Variants in WSCD1 observed in about 807,000 individuals in gnomAD.
WSCD1 encodes the protein WSC domain sialate O sulfotransferase 1.
In WSCD1, 41 loss-of-function variants were observed where a neutral mutation model predicts 60.4. The observed-to-expected ratio is 0.68, with a 90% CI of 0.53 to 0.88. The LOEUF (loss-of-function observed/expected upper bound fraction) is 0.88. WSCD1 is among the 40% of genes least tolerant of loss of function. WSCD1 has a pLI of 0.00. For synonymous variants in WSCD1, 361 were observed against 332.5 expected, an observed-to-expected ratio of 1.09 and a Z score of -0.93; for missense variants, 784 against 796.2, an observed-to-expected ratio of 0.98 and a Z score of 0.18.
chr17:6,076,985 AG>A (rs966541189), intron 1 of WSCD1, among the ~76,000 whole-genome samples: 3 of 150,256 alleles, frequency 2.0e-5, no homozygotes, highest in African/African-American at 7.4e-5. Flanking sequence ...TGTGCCCTGG[AG>A]GGGGGCTGCC....
At chr17:6,074,303 C>T (rs575996420) in intron 1 of WSCD1, among the ~76,000 whole-genome samples, 1 of 152,300 alleles carries the variant, frequency 6.6e-6, no homozygotes, top group East Asian at 1.9e-4. Flanking sequence ...CCCAAAGGGC[C>T]CAACAGATTT....
At chr17:6,102,670 G>A (rs528267934) in intron 5 of WSCD1, among the ~76,000 whole-genome samples, 99 of 152,214 alleles carry the variant, frequency 6.5e-4, no homozygotes, top group South Asian at 1.0e-3. Flanking sequence ...GTATCTCTAC[G>A]TAATTTGTTT....
Position 6,109,784 on chromosome 17 carries a change from G to A in WSCD1, c.1009+18G>A, listed in dbSNP as rs375239356. 120 of 1,604,056 alleles carry A rather than the reference G, an allele frequency of 7.5e-5. No individual in the cohort carries two copies. Among genetic ancestry groups the A allele is most frequent in the African/African-American group, 7.3e-4 (55 of 74,888 alleles). ...TGTGCAAGGTGGGTTCTGCATCCCC[G>A]ACTGGTAGTGGCATTTGGTCTGGGG... is the stretch of plus-strand genomic sequence containing the variant. On this transcript the variant is annotated intron_variant, in intron 6 of 8. Transcript: ENST00000317744.
At chr17:6,113,202 C>G (rs1911502103) in intron 7 of WSCD1, among the ~76,000 whole-genome samples, 1 of 152,182 alleles carries the variant, frequency 6.6e-6, no homozygotes, top group East Asian at 1.9e-4. Context: ...TGGGAAAGGA[C>G]AGTCTTTTCA....
rs1904735287 is a variant in WSCD1 at position 6,121,868 on chromosome 17, G to A, written c.*1207G>A. Reference sequence around the variant, plus strand: ...AGGCTGTGGAGGCCAGGAGGTTCAAGTATGGAGGGTAGGAGTGCAACCCAG... The same window carrying A: ...AGGCTGTGGAGGCCAGGAGGTTCAAATATGGAGGGTAGGAGTGCAACCCAG... On this transcript the variant is annotated 3_prime_UTR_variant, in exon 9 of 9. Transcript: ENST00000317744. The A allele has an allele frequency of 1.3e-5, 2 of 152,396 alleles. No individual in the cohort carries two copies. Among genetic ancestry groups the A allele is most frequent in the African/African-American group, 4.8e-5 (2 of 41,464 alleles). 9.4% of individuals were successfully genotyped at this position (152,396 alleles called of 1,614,324 possible).
Position 6,106,090 on chromosome 17 carries a change from C to CAAGG in WSCD1, c.850-3516_850-3513dup, listed in dbSNP as rs1911072109. Among the ~76,000 whole-genome samples the CAAGG allele has an allele frequency of 2.0e-5, 3 of 152,312 alleles. No individual in the cohort carries two copies. The South Asian group carries it at 6.2e-4, about 32-fold the overall frequency. On this transcript the variant is annotated intron_variant, in intron 5 of 8. Transcript: ENST00000317744. The stretch of plus-strand genomic sequence containing the variant: ...ACATTTATTGAGCATCTGCCATGTG[C>CAAGG]AAGGCACTTTTCTAGATTCTGAGAA...
chr17:6,080,911 G>A lies in WSCD1; in HGVS notation c.253G>A (p.Val85Met), dbSNP rs769416981. The A allele has an allele frequency of 1.9e-6, 3 of 1,596,330 alleles. No individual in the cohort carries two copies. Among genetic ancestry groups the A allele is most frequent in the Non-Finnish European group, 1.7e-6 (2 of 1,175,754 alleles). Residue 85 changes from valine (V) to methionine (M), a missense_variant, in exon 2 of 9, where the codon GTG becomes ATG. Transcript: ENST00000317744. This position sits in a 1 kb window ranked among gnomAD's most constrained non-coding sequence, Gnocchi z 6.6. ...PRVSPELLLG[V>M]DMLQSPLTRP... ...AGTCAGCCCAGAGCTGCTGCTGGGT[G>A]TGGACATGCTGCAGAGCCCCCTGAC...
intron 5 of WSCD1, among the ~76,000 whole-genome samples, chr17:6,099,017 A>G (rs1910627058): frequency 6.6e-6 from 1 of 152,156 alleles, no homozygotes; most frequent in Non-Finnish European, 1.5e-5. Flanking sequence ...ACTGCTGAGC[A>G]GGAACCAGGT....
At position 6,109,651 on chromosome 17, in the gene WSCD1, T is replaced by G. The variant is rs1329025287; in HGVS notation, c.894T>G (p.Ala298=). The change falls in exon 6 of 9, where the codon GCT becomes GCG. Residue 298 remains alanine, a synonymous_variant. Coordinates refer to ENST00000317744, the MANE Select transcript of WSCD1 (RefSeq NM_015253.2). ...TCAGGGGCTGGGAATGCTACTGTGC[T>G]TACCCTACCCCCCGGTTCAACCTGC... The part of the protein sequence containing the change: ...AILRGWECYC[A]YPTPRFNLRD... 1 of 1,614,186 alleles carries G rather than the reference T, an allele frequency of 6.2e-7. No homozygotes were observed. The highest frequency in any genetic ancestry group is 8.5e-7 in the Non-Finnish European group (1 of 1,180,026).
At position 6,112,604 on chromosome 17, in the gene WSCD1, A is replaced by C. The variant is rs60092659; in HGVS notation, c.1174+1669A>C. Among the ~76,000 whole-genome samples the C allele has an allele frequency of 5.2e-3, 788 of 152,336 alleles. 8 individuals carry two copies. Among genetic ancestry groups the C allele is most frequent in the African/African-American group, 0.019 (770 of 41,568 alleles). ...TAGAACCAATAAATGAATTCAGTAA[A>C]GTTACAGGATACAAAATAAACATGC... On this transcript the variant is annotated intron_variant, in intron 7 of 8. Coordinates refer to ENST00000317744, the MANE Select transcript of WSCD1 (RefSeq NM_015253.2).
chr17:6,086,253 AT>A (rs1323700972), intron 2 of WSCD1, among the ~76,000 whole-genome samples: 3 of 109,252 alleles, frequency 2.7e-5, no homozygotes, highest in East Asian at 2.1e-4. Flanking sequence ...CTGACTTCAT[AT>A]ATATATATAT....
rs1904653822 is a variant in WSCD1, at chr17:6,120,928, C to T, written c.*267C>T. ...CCAGGCTCATAGCCCCGTCTTGATG[C>T]AGAGAAGCCACCCACGTGGGGTGTG... is the stretch of plus-strand genomic sequence containing the variant. On this transcript the variant is annotated 3_prime_UTR_variant, in exon 9 of 9. Coordinates refer to ENST00000317744, the MANE Select transcript of WSCD1 (RefSeq NM_015253.2). 2 of 504,082 alleles carry T rather than the reference C, an allele frequency of 4.0e-6. No individual in the cohort carries two copies. The highest frequency in any genetic ancestry group is 2.7e-5 in the South Asian group (1 of 37,280). The allele number at this position is 504,082 out of a possible 1,614,324, so 31.2% of individuals were successfully genotyped here.
Position 6,101,397 on chromosome 17 carries a change from T to C in WSCD1, c.849+6174T>C, listed in dbSNP as rs1910791958. Among the ~76,000 whole-genome samples, 2 of 151,868 alleles carry C rather than the reference T, an allele frequency of 1.3e-5. No individual in the cohort carries two copies. Among genetic ancestry groups the C allele is most frequent in the Admixed American group, 1.3e-4 (2 of 15,254 alleles). ...GGCTTAATTAGAGCTGGCCGGGCAG[T>C]GGGGCTGGGAGCAGCAGATGTGAGA... is the stretch of plus-strand genomic sequence containing the variant. On this transcript the variant is annotated intron_variant, in intron 5 of 8. Transcript: ENST00000317744. The surrounding 1 kb of genome is among the most constrained non-coding windows in gnomAD (Gnocchi z 4.1).
At chr17:6,069,274 G>T (rs1908365738), upstream of WSCD1, 4 of 398,918 alleles carry the variant, frequency 1.0e-5, no homozygotes, top group Non-Finnish European at 1.8e-5. Flanking sequence ...CGGCTTTGGG[G>T]GAACAGGGTG....
At chr17:6,091,296 A>G (rs1205399019) in intron 4 of WSCD1, among the ~76,000 whole-genome samples, 1 of 152,264 alleles carries the variant, frequency 6.6e-6, no homozygotes, top group African/African-American at 2.4e-5. Flanking sequence ...ACATTATTGT[A>G]AATGCATAGC....
chr17:6,099,713 A>G (rs536044316), intron 5 of WSCD1, among the ~76,000 whole-genome samples: 1 of 151,850 alleles, frequency 6.6e-6, no homozygotes, highest in Admixed American at 6.6e-5. Flanking sequence ...CGTAAATGAC[A>G]CACCTGGTCA....
chr17:6,070,365 G>A (rs1039536596), upstream of WSCD1: 2 of 147,342 alleles, frequency 1.4e-5, no homozygotes, highest in Non-Finnish European at 3.0e-5. Flanking sequence ...CCCGGGCCGC[G>A]CGAGTGAGCA....
chr17:6,098,250 G>T (rs1471958703), intron 5 of WSCD1, among the ~76,000 whole-genome samples: 1 of 152,156 alleles, frequency 6.6e-6, no homozygotes, highest in Non-Finnish European at 1.5e-5. Flanking sequence ...GGGATTACAA[G>T]CATGAGCCAC....
intron 8 of WSCD1, 97 bp from the exon 9 acceptor site, chr17:6,120,212 A>C: frequency 7.5e-7 from 1 of 1,325,598 alleles, no homozygotes; most frequent in South Asian, 1.4e-5. Flanking sequence ...GACAGTGGAA[A>C]ACCCTGCCCA....
Sources: gnomAD v4.1 joint callset for allele counts (sites outside exome capture counted in the v4.1 genomes callset) on GRCh38, gnomAD v4.1.1 for gene constraint, Gnocchi (gnomAD v3.1) non-coding constraint, MANE v1.5 for transcripts, NCBI Gene and HGNC (gene_info 2026-07-23, HGNC 2026-07-21) for gene names.